The following MOB3B variants were observed in gnomAD, a reference collection of about 807,000 sequenced individuals.
The protein encoded by MOB3B is MOB kinase activator 3B.
Under a neutral mutation model 18.7 loss-of-function variants are expected in MOB3B, and 7 were observed. That is an observed-to-expected ratio of 0.37 (90% confidence interval 0.21 to 0.70). MOB3B has a LOEUF of 0.70. MOB3B is among the 30% of genes least tolerant of loss of function. The pLI is 0.52. For synonymous variants in MOB3B, 111 were observed against 99.9 expected, an observed-to-expected ratio of 1.11 and a Z score of -0.66; for missense variants, 253 against 281.3, an observed-to-expected ratio of 0.90 and a Z score of 0.72.
At chr9:27,490,717 C>A (rs929549199) in intron 1 of MOB3B, among the ~76,000 whole-genome samples, 4 of 152,138 alleles carry the variant, frequency 2.6e-5, no homozygotes, top group African/African-American at 9.7e-5. Flanking sequence ...CCAAAGCCCA[C>A]CTAATTAGGT....
intron 2 of MOB3B, among the ~76,000 whole-genome samples, chr9:27,405,269 G>A (rs1042041372): frequency 2.0e-5 from 3 of 151,514 alleles, no homozygotes; most frequent in Non-Finnish European, 2.9e-5. Flanking sequence ...CACCATGCCC[G>A]GTTAGTTTTT....
rs897516889 is a variant in MOB3B, at chr9:27,490,677, C to T, written c.-198-34929G>A. On this transcript the variant is annotated intron_variant, in intron 1 of 3. Transcript: ENST00000262244. ...GAGGAGGTCCAGATGGGTTCCTTGA[C>T]TTGCCGTAAGGTCCTACAGCAAAAC... 2.2e-4 allele frequency among the ~76,000 whole-genome samples: 33 copies of T among 152,152 alleles called. 1 individual carries two copies. The highest frequency in any genetic ancestry group is 7.7e-4 in the African/African-American group (32 of 41,414).
At chr9:27,338,395 T>A (rs1820892662) in intron 3 of MOB3B, among the ~76,000 whole-genome samples, 1 of 152,080 alleles carries the variant, frequency 6.6e-6, no homozygotes, top group Non-Finnish European at 1.5e-5. Context: ...AGATAGAGGA[T>A]CCCAGCAGCG....
chr9:27,412,852 C>T (rs1039272272), intron 2 of MOB3B, among the ~76,000 whole-genome samples: 1 of 152,188 alleles, frequency 6.6e-6, no homozygotes, highest in African/African-American at 2.4e-5. Context: ...TGATGGTTTA[C>T]TCACATCTCC....
Position 27,327,298 on chromosome 9 carries a change from AACTTGATAATGATTGGATCAGGCAG to A in MOB3B, c.*3264_*3288del, listed in dbSNP as rs1460525035. On this transcript the variant is annotated 3_prime_UTR_variant, in exon 4 of 4. Transcript: ENST00000262244. ...TTCAGAGCTTAATAATGAATTATGG[AACTTGATAATGATTGGATCAGGCAG>A]ACAACACCTGATCAGTCCTAATATC... 1 of 152,224 alleles carries A rather than the reference AACTTGATAATGATTGGATCAGGCAG, an allele frequency of 6.6e-6. No homozygotes were observed. Among genetic ancestry groups the A allele is most frequent in the Non-Finnish European group, 1.5e-5 (1 of 68,056 alleles). 9.4% of individuals were successfully genotyped at this position (152,224 alleles called of 1,614,324 possible).
At chr9:27,425,382 A>AC (rs759491507) in intron 2 of MOB3B, among the ~76,000 whole-genome samples, 227 of 143,854 alleles carry the variant, frequency 1.6e-3, no homozygotes, top group African/African-American at 2.9e-3. Context: ...TCAAAAAAAA[A>AC]AAAAAAACAA....
chr9:27,495,397 G>C (rs144440065), intron 1 of MOB3B, among the ~76,000 whole-genome samples: 11 of 152,244 alleles, frequency 7.2e-5, no homozygotes, highest in Non-Finnish European at 1.5e-4. Flanking sequence ...AGCTGAGGGA[G>C]TCAGGAGGGA....
Position 27,524,525 on chromosome 9 carries a change from C to A in MOB3B, c.-199+5030G>T, listed in dbSNP as rs369957745. On this transcript the variant is annotated intron_variant, in intron 1 of 3. Transcript: ENST00000262244. ...TTCCTGTAGAATGTCTACGAGAAAA[C>A]ATAGCTTTTGAGTTGCCCCAAGAGT... 2.7e-5 allele frequency: 44 copies of A among 1,614,110 alleles called. No homozygotes were observed. The African/African-American group carries it at 5.5e-4, about 20-fold the overall frequency.
chr9:27,353,327 T>A (rs1156843807), intron 3 of MOB3B, among the ~76,000 whole-genome samples: 1 of 152,126 alleles, frequency 6.6e-6, no homozygotes, highest in Non-Finnish European at 1.5e-5. Context: ...AGACTGAGGG[T>A]GCTTGGTACT....
chr9:27,461,231 G>T (rs945306771), intron 1 of MOB3B, among the ~76,000 whole-genome samples: 3 of 152,096 alleles, frequency 2.0e-5, no homozygotes, highest in Admixed American at 6.5e-5. Context: ...TATTTTAGAG[G>T]GGTGTATGTA....
intron 1 of MOB3B, among the ~76,000 whole-genome samples, chr9:27,471,528 A>T (rs1427266237): frequency 6.6e-6 from 1 of 152,164 alleles, no homozygotes; most frequent in Non-Finnish European, 1.5e-5. Context: ...TTTGACTCCC[A>T]AATCTACCAT....
At chr9:27,453,569 A>T (rs1176116628) in intron 2 of MOB3B, among the ~76,000 whole-genome samples, 1 of 151,986 alleles carries the variant, frequency 6.6e-6, no homozygotes, top group Non-Finnish European at 1.5e-5. Context: ...ACAGCCAGAA[A>T]CTTCCTCTCT....
chr9:27,404,456 C>G (rs7023835), intron 2 of MOB3B, among the ~76,000 whole-genome samples: 32,450 of 142,512 alleles, frequency 0.23, 4,501 homozygotes, highest in East Asian at 0.69. Context: ...CTGCAAAGTT[C>G]AAGCGATTCT....
intron 2 of MOB3B, among the ~76,000 whole-genome samples, chr9:27,390,595 G>T (rs1203398967): frequency 6.6e-6 from 1 of 152,172 alleles, no homozygotes; most frequent in South Asian, 2.1e-4. Context: ...TCTGAAGCCA[G>T]GCTGTCTGAT....
At chr9:27,367,895 A>T (rs1180144089) in intron 2 of MOB3B, among the ~76,000 whole-genome samples, 1 of 152,110 alleles carries the variant, frequency 6.6e-6, no homozygotes, top group Non-Finnish European at 1.5e-5. Context: ...ATCCTTTGGG[A>T]CCCCTGATGG....
chr9:27,500,795 A>G (rs1276794436), intron 1 of MOB3B, among the ~76,000 whole-genome samples: 1 of 152,188 alleles, frequency 6.6e-6, no homozygotes, highest in Non-Finnish European at 1.5e-5. Context: ...AGAAACTACC[A>G]TCAGAGTGAA....
At chr9:27,370,746 T>C (rs771221777) in intron 2 of MOB3B, among the ~76,000 whole-genome samples, 19 of 152,180 alleles carry the variant, frequency 1.2e-4, no homozygotes, top group Admixed American at 3.3e-4. Flanking sequence ...TTGAATGGAC[T>C]AGGCCAGTGA....
chr9:27,363,510 T>C (rs1014123899), intron 2 of MOB3B, among the ~76,000 whole-genome samples: 5 of 151,614 alleles, frequency 3.3e-5, no homozygotes, highest in Non-Finnish European at 5.9e-5. Context: ...CCTCGTGATC[T>C]GCCCACCTCA....
At chr9:27,505,210 T>A (rs1820041690) in intron 1 of MOB3B, among the ~76,000 whole-genome samples, 1 of 152,134 alleles carries the variant, frequency 6.6e-6, no homozygotes, top group African/African-American at 2.4e-5. Context: ...TGACTGGTGT[T>A]CTCCTGGACA....
Sources: allele counts gnomAD v4.1 joint callset (sites outside exome capture counted in the v4.1 genomes callset), GRCh38; gene constraint gnomAD v4.1.1; transcripts MANE v1.5; gene names NCBI Gene and HGNC (gene_info 2026-07-23, HGNC 2026-07-21).